Variants in SGCZ observed in about 807,000 individuals in gnomAD.
The protein encoded by SGCZ is zeta-sarcoglycan.
Under a neutral mutation model 41.3 loss-of-function variants are expected in SGCZ, and 40 were observed. That is an observed-to-expected ratio of 0.97 (90% confidence interval 0.75 to 1.26). The LOEUF is 1.26. Among genes scored for constraint, SGCZ ranks in the 50% most tolerant of loss-of-function variants. SGCZ has a pLI of 0.00. For synonymous variants in SGCZ, 206 were observed against 137.5 expected (o/e 1.50, Z -3.49); for missense variants, 552 against 369.8 (o/e 1.49, Z -4.04).
At chr8:14,935,522 T>C (rs1024262855) in intron 1 of SGCZ, among the ~76,000 whole-genome samples, 2 of 151,904 alleles carry the variant, frequency 1.3e-5, no homozygotes, top group African/African-American at 4.8e-5. Context: ...TAACAATCAT[T>C]AAAATTGAAT....
At chr8:15,160,408 T>C (rs373426743) in intron 1 of SGCZ, among the ~76,000 whole-genome samples, 17 of 152,314 alleles carry the variant, frequency 1.1e-4, no homozygotes, top group African/African-American at 3.4e-4. Flanking sequence ...TCTTGGGTGC[T>C]TCCACCTTTG....
chr8:15,066,885 T>C (rs1424211481), intron 1 of SGCZ, among the ~76,000 whole-genome samples: 1 of 152,208 alleles, frequency 6.6e-6, no homozygotes, highest in Non-Finnish European at 1.5e-5. Flanking sequence ...ATCTAAAGTA[T>C]GGCCTGAACT....
chr8:15,111,757 G>C (rs1444753237), intron 1 of SGCZ, among the ~76,000 whole-genome samples: 7 of 152,032 alleles, frequency 4.6e-5, no homozygotes, highest in Non-Finnish European at 8.8e-5. Flanking sequence ...AAAATTAGCT[G>C]GGTGTGGTGG....
Position 14,396,076 on chromosome 8 carries a change from C to G in SGCZ, c.235-71872G>C, listed in dbSNP as rs532427198. Among the ~76,000 whole-genome samples the G allele has an allele frequency of 3.1e-4, 47 of 152,190 alleles. 1 individual carries two copies. Among genetic ancestry groups the G allele is most frequent in the African/African-American group, 1.1e-3 (46 of 41,536 alleles). ...TAAATGTAAGACCAAGGTATGGGTA[C>G]CATTTGCTCCCTCTTCTTGGCAATA... On this transcript the variant is annotated intron_variant, in intron 2 of 7. Transcript: ENST00000382080.
chr8:14,314,738 A>G (rs1801659092), intron 3 of SGCZ, among the ~76,000 whole-genome samples: 1 of 152,154 alleles, frequency 6.6e-6, no homozygotes, highest in African/African-American at 2.4e-5. Context: ...TAATTTACTT[A>G]TGTTTGTATT....
intron 1 of SGCZ, among the ~76,000 whole-genome samples, chr8:14,893,583 G>A (rs1161729786): frequency 2.0e-5 from 3 of 152,074 alleles, no homozygotes; most frequent in Non-Finnish European, 2.9e-5. Context: ...AGCTTATTAT[G>A]CTCTGATCGC....
intron 4 of SGCZ, among the ~76,000 whole-genome samples, chr8:14,216,309 A>G (rs1805991582): frequency 6.6e-6 from 1 of 152,042 alleles, no homozygotes; most frequent in South Asian, 2.1e-4. Flanking sequence ...CTTTTCCTAT[A>G]CTTTCTCCTA....
intron 1 of SGCZ, among the ~76,000 whole-genome samples, chr8:14,709,099 T>C (rs761435330): frequency 7.2e-5 from 11 of 152,180 alleles, no homozygotes; most frequent in Non-Finnish European, 1.2e-4. Flanking sequence ...TTGAATTCTA[T>C]CCCTTTCTCC....
intron 1 of SGCZ, among the ~76,000 whole-genome samples, chr8:14,679,047 C>T (rs1808360693): frequency 6.6e-6 from 1 of 152,120 alleles, no homozygotes; most frequent in Non-Finnish European, 1.5e-5. Flanking sequence ...TCAAAAATTC[C>T]TATCGTCTAG....
intron 1 of SGCZ, among the ~76,000 whole-genome samples, chr8:14,911,603 T>C (rs1799281802): frequency 6.6e-6 from 1 of 152,010 alleles, no homozygotes; most frequent in African/African-American, 2.4e-5. Context: ...GAGAAATGTA[T>C]CTTGAATTCC....
intron 1 of SGCZ, among the ~76,000 whole-genome samples, chr8:15,121,890 C>T (rs1215529307): frequency 5.1e-5 from 6 of 116,882 alleles, no homozygotes; most frequent in South Asian, 3.3e-4. Flanking sequence ...GCTTTCTTTT[C>T]GGCAGTTACC....
intron 1 of SGCZ, among the ~76,000 whole-genome samples, chr8:15,004,469 C>G (rs1468744305): frequency 6.6e-6 from 1 of 151,880 alleles, no homozygotes; most frequent in Admixed American, 6.6e-5. Context: ...AAAACTAGAC[C>G]AAAAAAGGTG....
intron 1 of SGCZ, among the ~76,000 whole-genome samples, chr8:15,013,720 T>C (rs912543950): frequency 1.3e-5 from 2 of 152,208 alleles, no homozygotes; most frequent in Admixed American, 6.5e-5. Context: ...GTTTTCCACA[T>C]TGCAGAATTG....
intron 1 of SGCZ, among the ~76,000 whole-genome samples, chr8:15,156,128 G>T (rs538095261): frequency 6.6e-6 from 1 of 150,378 alleles, no homozygotes; most frequent in African/African-American, 2.5e-5. Flanking sequence ...ATTATTTCTA[G>T]ATGCCACATT....
chr8:15,111,667 C>A (rs893086982), intron 1 of SGCZ, among the ~76,000 whole-genome samples: 1 of 151,956 alleles, frequency 6.6e-6, no homozygotes, highest in Admixed American at 6.6e-5. Context: ...TTTGGGAGGC[C>A]GAGGTGGGCG....
intron 7 of SGCZ, among the ~76,000 whole-genome samples, chr8:14,097,633 T>C (rs1801885921): frequency 6.6e-6 from 1 of 152,206 alleles, no homozygotes; most frequent in Non-Finnish European, 1.5e-5. Flanking sequence ...GTTCATGTCC[T>C]GGATATCCTT....
intron 1 of SGCZ, among the ~76,000 whole-genome samples, chr8:14,806,507 T>C (rs1369566454): frequency 6.6e-6 from 1 of 152,140 alleles, no homozygotes; most frequent in Non-Finnish European, 1.5e-5. Context: ...CCTCGACACA[T>C]ACACTTTCCC....
chr8:14,736,989 C>T (rs2130261480), intron 1 of SGCZ, among the ~76,000 whole-genome samples: 1 of 151,218 alleles, frequency 6.6e-6, no homozygotes, highest in South Asian at 2.1e-4. Context: ...CCACATCAAT[C>T]AACAAGTGGA....
At chr8:14,672,207 C>G (rs1324318931) in intron 1 of SGCZ, among the ~76,000 whole-genome samples, 1 of 151,988 alleles carries the variant, frequency 6.6e-6, no homozygotes, top group African/African-American at 2.4e-5. Context: ...TAACTATGAC[C>G]ACATTTTGAA....
Sources: gnomAD v4.1 joint callset for allele counts (sites outside exome capture counted in the v4.1 genomes callset) on GRCh38, gnomAD v4.1.1 for gene constraint, MANE v1.5 for transcripts, NCBI Gene and HGNC (gene_info 2026-07-23, HGNC 2026-07-21) for gene names.